CDH23: variants seen among roughly 807,000 people sequenced by gnomAD.
The protein encoded by CDH23 is cadherin-23.
A neutral mutation model predicts 317.1 loss-of-function variants in CDH23; 189 were observed. That is an observed-to-expected ratio of 0.60 (90% CI 0.53 to 0.67). The LOEUF (loss-of-function observed/expected upper bound fraction) is 0.67. CDH23 is among the 30% of genes least tolerant of loss of function. CDH23 has a pLI of 0.00. For synonymous variants in CDH23, 1,839 were observed against 1,876.8 expected (o/e 0.98, Z 0.52); for missense variants, 4,401 against 4,592.4 (o/e 0.96, Z 1.20).
intron 1 of CDH23, among the ~76,000 whole-genome samples, chr10:71,404,047 G>A (rs559611190): frequency 1.3e-5 from 2 of 152,172 alleles, no homozygotes; most frequent in Non-Finnish European, 2.9e-5. Flanking sequence ...AGCCGAGATC[G>A]TGCCACTGCA....
intron 6 of CDH23, among the ~76,000 whole-genome samples, chr10:71,523,268 C>T (rs950446093): frequency 9.9e-5 from 15 of 152,150 alleles, no homozygotes; most frequent in African/African-American, 2.7e-4. Flanking sequence ...GGCTCCTTAG[C>T]GGCTAGAACT....
intron 6 of CDH23, among the ~76,000 whole-genome samples, chr10:71,543,698 G>A (rs942600938): frequency 6.6e-6 from 1 of 152,224 alleles, no homozygotes; most frequent in African/African-American, 2.4e-5. Context: ...GGCCCAGATG[G>A]GCACTGTGAT....
At chr10:71,702,252 G>GTGTC (rs1865618371) in intron 23 of CDH23, 41 bp downstream of exon 23, 1 of 1,591,232 alleles carries the variant, frequency 6.3e-7, no homozygotes, top group African/African-American at 1.3e-5. Flanking sequence ...CACACCTTAG[G>GTGTC]CTGCGGGTGT....
chr10:71,642,934 G>T (rs2132585787), intron 11 of CDH23, among the ~76,000 whole-genome samples: 1 of 152,362 alleles, frequency 6.6e-6, no homozygotes, highest in South Asian at 2.1e-4. Context: ...GCCTCAAGGG[G>T]CTGCTGACAT....
chr10:71,544,759 T>TG (rs1156531673), intron 6 of CDH23, among the ~76,000 whole-genome samples: 2 of 152,196 alleles, frequency 1.3e-5, no homozygotes, highest in East Asian at 1.9e-4. Context: ...CACAGCTATC[T>TG]GGGGGAAGAA....
At position 71,667,862 on chromosome 10, in the gene CDH23, T is replaced by A. The variant is rs551695271; in HGVS notation, c.1450-7250T>A. ...AGAGGGCCGGGAGCTGGGCTGGACATAGAGTTTTGAATGCACAAGATGAAG... is the reference window on the plus strand; with the variant it reads ...AGAGGGCCGGGAGCTGGGCTGGACAAAGAGTTTTGAATGCACAAGATGAAG... On this transcript the variant is annotated intron_variant, in intron 14 of 69. Transcript: ENST00000224721. Among the ~76,000 whole-genome samples, 4 of 151,982 alleles carry A rather than the reference T, an allele frequency of 2.6e-5. No homozygotes were observed. In the South Asian group the frequency reaches 8.3e-4, roughly 32 times the overall value.
chr10:71,456,266 G>A (rs868068288), intron 3 of CDH23, among the ~76,000 whole-genome samples: 5 of 151,304 alleles, frequency 3.3e-5, no homozygotes, highest in South Asian at 2.1e-4. Flanking sequence ...TGGGCTCTTG[G>A]TGCCCTCACA....
At chr10:71,590,568 T>C (rs1564673453) in intron 9 of CDH23, among the ~76,000 whole-genome samples, 1 of 152,192 alleles carries the variant, frequency 6.6e-6, no homozygotes, top group Non-Finnish European at 1.5e-5. Flanking sequence ...CAAGGATTAT[T>C]TTAAAGGGGC....
chr10:71,675,019 C>A, intron 14 of CDH23, 93 bp from the exon 15 acceptor site: 1 of 1,173,740 alleles, frequency 8.5e-7, no homozygotes. Flanking sequence ...CACCCTGGGC[C>A]AAAGGAGACG....
intron 9 of CDH23, among the ~76,000 whole-genome samples, chr10:71,613,055 G>T (rs1860996208): frequency 6.6e-6 from 1 of 152,142 alleles, no homozygotes; most frequent in Admixed American, 6.5e-5. Context: ...TGCCATGTTG[G>T]CCAGGCTGGT....
chr10:71,741,048 T>A, intron 37 of CDH23, 98 bp downstream of exon 37: 1 of 1,399,198 alleles, frequency 7.1e-7, no homozygotes, highest in East Asian at 2.3e-5. Context: ...CCTGGCCCAC[T>A]GGTCCCTCAG....
At chr10:71,801,947 C>G (rs1241929745) in intron 53 of CDH23, among the ~76,000 whole-genome samples, 1 of 152,226 alleles carries the variant, frequency 6.6e-6, no homozygotes, top group East Asian at 1.9e-4. Flanking sequence ...AAGGAGGGTG[C>G]AGATGTGCAA....
chr10:71,498,603 G>A (rs1394436350), intron 3 of CDH23, among the ~76,000 whole-genome samples: 1 of 152,252 alleles, frequency 6.6e-6, no homozygotes, highest in Non-Finnish European at 1.5e-5. Context: ...TGCCCAGGCA[G>A]TGTTTGCTGA....
At chr10:71,753,770 C>T in intron 38 of CDH23, 1 of 456,414 alleles carries the variant, frequency 2.2e-6, no homozygotes, top group Non-Finnish European at 4.4e-6. Context: ...GATGGGGAAA[C>T]AGATGGTGGG....
intron 69 of CDH23, 123 bp from the exon 70 acceptor site, chr10:71,814,829 C>A: frequency 8.7e-7 from 1 of 1,149,918 alleles, no homozygotes; most frequent in Non-Finnish European, 1.2e-6. Context: ...GAAACAGAGT[C>A]TGACAGGCCT....
intron 26 of CDH23, chr10:71,707,357 C>A (rs1043708767): frequency 1.4e-6 from 2 of 1,387,242 alleles, no homozygotes; most frequent in African/African-American, 2.9e-5. Context: ...TAGGGAGGAG[C>A]CCTGAGCCCC....
chr10:71,674,968 G>T (rs2132664058), intron 14 of CDH23, 144 bp from the exon 15 acceptor site: 5 of 723,234 alleles, frequency 6.9e-6, no homozygotes, highest in East Asian at 2.7e-5. Context: ...CTGGCAGCAG[G>T]CTTTCACCAG....
At chr10:71,712,284 C>A (rs145999424) in intron 27 of CDH23, 3 of 183,614 alleles carry the variant, frequency 1.6e-5, no homozygotes, top group Non-Finnish European at 3.5e-5. Flanking sequence ...TTTCAAAGGC[C>A]CTTTTCCCAA....
At chr10:71,566,686 T>C in intron 6 of CDH23, 56 bp from the exon 7 acceptor site, 3 of 1,481,466 alleles carry the variant, frequency 2.0e-6, no homozygotes, top group Non-Finnish European at 2.7e-6. Flanking sequence ...TCAGCCCTGA[T>C]GGCGCAGCTG....
Sources: gnomAD v4.1 joint callset for allele counts (sites outside exome capture counted in the v4.1 genomes callset) on GRCh38, gnomAD v4.1.1 for gene constraint, MANE v1.5 for transcripts, NCBI Gene and HGNC (gene_info 2026-07-23, HGNC 2026-07-21) for gene names.